Variants in AZIN2 observed in about 807,000 individuals in gnomAD.
The protein encoded by AZIN2 is antizyme inhibitor 2.
A neutral mutation model predicts 47.8 loss-of-function variants in AZIN2; 28 were observed. That is an observed-to-expected ratio of 0.59 (90% CI 0.43 to 0.80). The LOEUF (loss-of-function observed/expected upper bound fraction) is 0.80. Ranked by LOEUF, AZIN2 falls within the 30% of genes least tolerant of loss-of-function variation. The pLI is 0.00. For synonymous variants in AZIN2, 221 were observed against 239.4 expected (o/e 0.92, Z 0.71); for missense variants, 535 against 582.5 (o/e 0.92, Z 0.84).
rs1055981741 is a variant in AZIN2, at chr1:33,121,433, T to G, written c.*1251T>G. ...CAAAAATTAGCCAGGTGTGGTGGTA[T>G]GTGCCTGTAATTCCAGCTACTCAGG... On this transcript the variant is annotated 3_prime_UTR_variant, in exon 12 of 12. Coordinates refer to ENST00000294517, the MANE Select transcript of AZIN2 (RefSeq NM_052998.4). Among the ~76,000 whole-genome samples the G allele has an allele frequency of 1.3e-5, 2 of 152,048 alleles. No homozygotes were observed. The highest frequency in any genetic ancestry group is 2.1e-4 in the South Asian group (1 of 4,818).
At chr1:33,119,866 T>G (rs905508639) in intron 11 of AZIN2, 178 bp from the exon 12 acceptor site, 2 of 700,890 alleles carry the variant, frequency 2.9e-6, no homozygotes, top group African/African-American at 3.6e-5. Flanking sequence ...TGTTGAGGGG[T>G]GGGGACCACA....
chr1:33,154,912 T>C, the AZIN2 span, among the ~76,000 whole-genome samples: 1 of 151,128 alleles, frequency 6.6e-6, no homozygotes, highest in Non-Finnish European at 1.5e-5. Flanking sequence ...GCTAACACGG[T>C]GAAACCCCGT....
intron 4 of AZIN2, chr1:33,083,183 C>A (rs1419393080): frequency 6.5e-6 from 1 of 152,782 alleles, no homozygotes; most frequent in Non-Finnish European, 1.5e-5. Flanking sequence ...GACCCAAGCT[C>A]CTTCAGAACA....
At chr1:33,116,733 T>C (rs924442106) in intron 10 of AZIN2, among the ~76,000 whole-genome samples, 35 of 152,158 alleles carry the variant, frequency 2.3e-4, no homozygotes, top group African/African-American at 6.8e-4. Flanking sequence ...TGAGGGAGCA[T>C]GGAGCTTTAG....
intron 11 of AZIN2, chr1:33,118,989 C>T (rs1310489698): frequency 6.6e-6 from 1 of 152,396 alleles, no homozygotes; most frequent in Non-Finnish European, 1.5e-5. Context: ...GGTGAAGGGT[C>T]CCTCTTTTGG....
intron 6 of AZIN2, among the ~76,000 whole-genome samples, chr1:33,092,915 C>G (rs1197555891): frequency 6.6e-6 from 1 of 152,180 alleles, no homozygotes; most frequent in African/African-American, 2.4e-5. Flanking sequence ...CCAGTCCATC[C>G]AAAGCAGCTT....
At chr1:33,123,874 G>GT (rs1181258225), downstream of AZIN2, among the ~76,000 whole-genome samples, 4 of 152,134 alleles carry the variant, frequency 2.6e-5, no homozygotes, top group African/African-American at 9.7e-5. Context: ...GGCGGCACCT[G>GT]TAATCCTGGC....
intron 7 of AZIN2, among the ~76,000 whole-genome samples, chr1:33,093,867 T>C (rs1642852991): frequency 6.6e-6 from 1 of 151,872 alleles, no homozygotes; most frequent in African/African-American, 2.4e-5. Flanking sequence ...CCCAAGTAGC[T>C]GTGACCACAG....
At chr1:33,096,574 C>T (rs72656216) in intron 8 of AZIN2, 133 bp from the exon 9 acceptor site, 1 of 1,102,910 alleles carries the variant, frequency 9.1e-7, no homozygotes, top group African/African-American at 1.5e-5. Context: ...TCAGCTGGGG[C>T]CTTAGCAGCT....
intron 4 of AZIN2, chr1:33,083,386 A>T (rs1641510152): frequency 5.8e-6 from 1 of 173,832 alleles, no homozygotes; most frequent in Non-Finnish European, 1.3e-5. Flanking sequence ...TACAATGAAC[A>T]GTTGTCCATA....
At chr1:33,133,728 C>T in the AZIN2 span, among the ~76,000 whole-genome samples, 6 of 152,188 alleles carry the variant, frequency 3.9e-5, no homozygotes, top group African/African-American at 1.4e-4. Context: ...TGCTTCTGGC[C>T]CTCAGCAGCC....
intron 4 of AZIN2, 161 bp from the exon 5 acceptor site, chr1:33,083,793 G>C (rs772566711): frequency 4.0e-6 from 3 of 742,864 alleles, no homozygotes; most frequent in Non-Finnish European, 6.8e-6. Flanking sequence ...TGAGGAGTTT[G>C]CCTTCTGCCC....
Position 33,093,339 on chromosome 1 carries a change from GT to G in AZIN2, c.513del (p.Phe171LeufsTer5), listed in dbSNP as rs1642784243. The G allele has an allele frequency of 6.2e-7, 1 of 1,614,116 alleles. No individual in the cohort carries two copies. Among genetic ancestry groups the G allele is most frequent in the Non-Finnish European group, 8.5e-7 (1 of 1,179,992 alleles). ...SHSLSCLSLK[F>X]GVSLKSCRHL... is the part of the protein sequence containing the mutation. ...ACTCCCTGAGCTGCCTGAGCCTAAA[GT>G]TTGGAGTGTCACTGAAATCCTGCAG... On this transcript the variant is annotated frameshift_variant, in exon 7 of 12. Transcript: ENST00000294517. LOFTEE classifies it high-confidence loss of function.
intron 8 of AZIN2, among the ~76,000 whole-genome samples, chr1:33,095,662 A>T (rs974665316): frequency 6.6e-6 from 1 of 152,096 alleles, no homozygotes; most frequent in Non-Finnish European, 1.5e-5. Context: ...AGAGCTTAGG[A>T]GCACCGACCC....
intron 4 of AZIN2, chr1:33,083,564 G>A: frequency 3.1e-6 from 1 of 326,848 alleles, no homozygotes; most frequent in Non-Finnish European, 6.0e-6. Flanking sequence ...TGCAAATGCA[G>A]TGGGAGCATT....
intron 5 of AZIN2, among the ~76,000 whole-genome samples, chr1:33,085,671 C>T (rs1641808990): frequency 6.6e-6 from 1 of 152,088 alleles, no homozygotes; most frequent in Non-Finnish European, 1.5e-5. Flanking sequence ...CCGGGATGGT[C>T]AGAATGAGCA....
At position 33,084,077 on chromosome 1, in the gene AZIN2, GT is replaced by G. The variant is rs1280597716; in HGVS notation, c.230del (p.Val77GlyfsTer2). 6.2e-7 allele frequency: 1 copy of G among 1,613,664 alleles called. No individual in the cohort carries two copies. Among genetic ancestry groups the G allele is most frequent in the South Asian group, 1.1e-5 (1 of 91,064 alleles). ...YAVKCNSSPG[V>X]LKVLAQLGLG... ...TGTCAAGTGCAACAGCAGCCCAGGT[GT>G]GCTGAAGGTTCTGGCCCAGCTGGGG... is the stretch of plus-strand genomic sequence containing the variant. On this transcript the variant is annotated frameshift_variant, in exon 5 of 12. Coordinates refer to ENST00000294517, the MANE Select transcript of AZIN2 (RefSeq NM_052998.4). LOFTEE classifies it high-confidence loss of function.
chr1:33,138,930 A>T, the AZIN2 span, among the ~76,000 whole-genome samples: 1 of 152,242 alleles, frequency 6.6e-6, no homozygotes, highest in Non-Finnish European at 1.5e-5. Flanking sequence ...ACACATAGAA[A>T]GATGGACAGT....
At chr1:33,151,131 G>C in the AZIN2 span, among the ~76,000 whole-genome samples, 2 of 152,076 alleles carry the variant, frequency 1.3e-5, no homozygotes, top group Admixed American at 6.5e-5. Flanking sequence ...CTAGGAGGGA[G>C]ACAAGGGGGC....
Sources: allele counts gnomAD v4.1 joint callset (sites outside exome capture counted in the v4.1 genomes callset), GRCh38; gene constraint gnomAD v4.1.1; transcripts MANE v1.5; gene names NCBI Gene and HGNC (gene_info 2026-07-23, HGNC 2026-07-21).